Variants in ADAMTS18 observed in about 807,000 individuals in gnomAD.
The protein encoded by ADAMTS18 is ADAM metallopeptidase with thrombospondin type 1 motif 18, also known as A disintegrin and metalloproteinase with thrombospondin motifs 18.
ADAMTS18 carries 157 observed loss-of-function variants against 165.9 expected under a neutral mutation model. That is an observed-to-expected ratio of 0.95 (90% confidence interval 0.83 to 1.08). ADAMTS18 has a LOEUF of 1.08. Ranked by LOEUF, ADAMTS18 falls within the 50% of genes least tolerant of loss-of-function variation. The probability of loss-of-function intolerance (pLI) is 0.00; values close to 1 mark genes in which losing one functional copy is unlikely to be tolerated. For missense variants in ADAMTS18, 2,040 were observed against 1,534.0 expected (o/e 1.33, Z -5.51); for synonymous variants, 782 against 578.2 (o/e 1.35, Z -5.06).
At chr16:77,309,676 C>G (rs2055744843) in intron 16 of ADAMTS18, among the ~76,000 whole-genome samples, 1 of 152,156 alleles carries the variant, frequency 6.6e-6, no homozygotes, top group Non-Finnish European at 1.5e-5. Flanking sequence ...TATTTGGCAT[C>G]AAACCATGCA....
intron 10 of ADAMTS18, among the ~76,000 whole-genome samples, chr16:77,346,631 A>C (rs2056481435): frequency 6.6e-6 from 1 of 152,192 alleles, no homozygotes; most frequent in African/African-American, 2.4e-5. Context: ...GACTCAGAGA[A>C]ATTAAGAAAC....
intron 3 of ADAMTS18, among the ~76,000 whole-genome samples, chr16:77,429,276 T>C (rs1395922190): frequency 6.6e-6 from 1 of 152,122 alleles, no homozygotes; most frequent in African/African-American, 2.4e-5. Flanking sequence ...CGAGATCAGG[T>C]CTTTTGCAGG....
At chr16:77,417,870 C>T (rs1026517828) in intron 3 of ADAMTS18, among the ~76,000 whole-genome samples, 2 of 152,124 alleles carry the variant, frequency 1.3e-5, no homozygotes, top group African/African-American at 4.8e-5. Flanking sequence ...AGGAAACATC[C>T]CTTATTTCAT....
chr16:77,365,794 T>C (rs536575816), intron 4 of ADAMTS18, among the ~76,000 whole-genome samples: 1 of 152,354 alleles, frequency 6.6e-6, no homozygotes, highest in Admixed American at 6.5e-5. Flanking sequence ...ACTAGCTCCC[T>C]ACAGAGTAAA....
At chr16:77,371,404 C>CA (rs1309472624) in intron 3 of ADAMTS18, among the ~76,000 whole-genome samples, 2 of 151,802 alleles carry the variant, frequency 1.3e-5, no homozygotes, top group African/African-American at 2.4e-5. Context: ...CTACAGTAAC[C>CA]AAAAAAACAT....
intron 3 of ADAMTS18, among the ~76,000 whole-genome samples, chr16:77,390,336 TG>T (rs1007605900): frequency 2.0e-5 from 3 of 152,212 alleles, no homozygotes; most frequent in Non-Finnish European, 4.4e-5. Context: ...AGATCTTTTT[TG>T]CAGGTAACTG....
intron 3 of ADAMTS18, among the ~76,000 whole-genome samples, chr16:77,414,878 T>G (rs1053241739): frequency 6.6e-6 from 1 of 152,004 alleles, no homozygotes; most frequent in Non-Finnish European, 1.5e-5. Context: ...GGTTATAGAG[T>G]GTGAAGTCAT....
At chr16:77,296,989 T>A (rs1210265389) in intron 18 of ADAMTS18, among the ~76,000 whole-genome samples, 2 of 152,196 alleles carry the variant, frequency 1.3e-5, no homozygotes. Context: ...AAAAAATTTC[T>A]TTTAGAGACA....
intron 3 of ADAMTS18, among the ~76,000 whole-genome samples, chr16:77,423,452 A>G (rs555439313): frequency 6.6e-6 from 1 of 152,294 alleles, no homozygotes; most frequent in African/African-American, 2.4e-5. Context: ...GGTTTTGATA[A>G]TGATATAGTA....
At chr16:77,381,003 T>C (rs2057022106) in intron 3 of ADAMTS18, among the ~76,000 whole-genome samples, 1 of 151,850 alleles carries the variant, frequency 6.6e-6, no homozygotes, top group Non-Finnish European at 1.5e-5. Context: ...GCCTCCGGAG[T>C]AGCTGGGATT....
chr16:77,402,637 A>G (rs895090732), intron 3 of ADAMTS18, among the ~76,000 whole-genome samples: 27 of 152,244 alleles, frequency 1.8e-4, no homozygotes, highest in Non-Finnish European at 3.1e-4. Flanking sequence ...AGATTTATTT[A>G]CATGCCTTCC....
chr16:77,331,220 A>T lies in ADAMTS18; in HGVS notation c.1859+4536T>A, dbSNP rs772864300. On this transcript the variant is annotated intron_variant, in intron 12 of 22. Transcript: ENST00000282849. ...GCTCTCAATCCTACAGATATGAGAG[A>T]GGTTTTAATTTAAATCTCAGGGGCA... is the stretch of plus-strand genomic sequence containing the variant. Among the ~76,000 whole-genome samples the T allele has an allele frequency of 3.7e-4, 56 of 152,262 alleles. No individual in the cohort carries two copies. The Middle Eastern group carries it at 0.017, about 46-fold the overall frequency.
chr16:77,326,085 A>G, intron 12 of ADAMTS18, 47 bp from the exon 13 acceptor site: 1 of 1,564,982 alleles, frequency 6.4e-7, no homozygotes, highest in East Asian at 2.3e-5. Context: ...CAAAGGGCTC[A>G]TTATTAGTCA....
intron 3 of ADAMTS18, among the ~76,000 whole-genome samples, chr16:77,405,424 T>G (rs1334541604): frequency 2.6e-5 from 4 of 152,206 alleles, no homozygotes; most frequent in Admixed American, 2.6e-4. Flanking sequence ...AATGAGCAGA[T>G]GGCCTGTAGT....
At chr16:77,345,890 C>T (rs978964724) in intron 10 of ADAMTS18, among the ~76,000 whole-genome samples, 6 of 152,112 alleles carry the variant, frequency 3.9e-5, no homozygotes, top group Admixed American at 1.3e-4. Context: ...CAATTCATCA[C>T]GAGAAAAATC....
intron 22 of ADAMTS18, among the ~76,000 whole-genome samples, chr16:77,288,895 G>C (rs1332761092): frequency 1.3e-5 from 2 of 152,130 alleles, no homozygotes; most frequent in African/African-American, 4.8e-5. Flanking sequence ...GATCAGCCTG[G>C]CCAACATGGT....
At chr16:77,381,179 GC>G (rs1567528176) in intron 3 of ADAMTS18, among the ~76,000 whole-genome samples, 1 of 151,882 alleles carries the variant, frequency 6.6e-6, no homozygotes, top group Non-Finnish European at 1.5e-5. Flanking sequence ...TGGCCTTGCA[GC>G]TCTACCTGAT....
intron 10 of ADAMTS18, among the ~76,000 whole-genome samples, chr16:77,353,167 C>T (rs2056580292): frequency 6.6e-6 from 1 of 152,116 alleles, no homozygotes; most frequent in African/African-American, 2.4e-5. Flanking sequence ...TCATTCTTGA[C>T]CAAGTGTAAC....
At chr16:77,401,081 C>T (rs1419869513) in intron 3 of ADAMTS18, among the ~76,000 whole-genome samples, 2 of 151,958 alleles carry the variant, frequency 1.3e-5, no homozygotes, top group South Asian at 2.1e-4. Flanking sequence ...CATGGAGAAA[C>T]CACGTCTCTA....
Sources: allele counts gnomAD v4.1 joint callset (sites outside exome capture counted in the v4.1 genomes callset), GRCh38; gene constraint gnomAD v4.1.1; transcripts MANE v1.5; gene names NCBI Gene and HGNC (gene_info 2026-07-23, HGNC 2026-07-21).